The following MARCHF4 variants were observed in gnomAD, a reference collection of about 807,000 sequenced individuals.
MARCHF4 encodes membrane associated ring-CH-type finger 4.
A neutral mutation model predicts 43.9 loss-of-function variants in MARCHF4; 14 were observed. The ratio of observed to expected loss-of-function variants is 0.32; its 90% CI spans 0.21 to 0.50. The LOEUF is 0.50. MARCHF4 is among the 20% of genes least tolerant of loss of function. MARCHF4 has a pLI of 0.98. For synonymous variants in MARCHF4, 226 were observed against 213.3 expected, an observed-to-expected ratio of 1.06 and a Z score of -0.52; for missense variants, 468 against 536.7, an observed-to-expected ratio of 0.87 and a Z score of 1.27.
chr2:216,367,287 GTGTCTCTCTCTC>G (rs1692680934), intron 1 of MARCHF4, among the ~76,000 whole-genome samples: 1 of 151,620 alleles, frequency 6.6e-6, no homozygotes, highest in African/African-American at 2.4e-5. Flanking sequence ...AAATTTTAGC[GTGTCTCTCTCTC>G]TTTCTCTCTC....
intron 1 of MARCHF4, among the ~76,000 whole-genome samples, chr2:216,295,484 C>T (rs555607214): frequency 2.0e-5 from 3 of 152,124 alleles, no homozygotes; most frequent in East Asian, 1.9e-4. Context: ...GGATTACAGG[C>T]GTGAGCCACT....
intron 3 of MARCHF4, among the ~76,000 whole-genome samples, chr2:216,274,428 C>T (rs571560101): frequency 4.6e-5 from 7 of 152,256 alleles, no homozygotes; most frequent in African/African-American, 1.2e-4. Context: ...AGGCTCTACC[C>T]GATTCTCCCT....
intron 1 of MARCHF4, among the ~76,000 whole-genome samples, chr2:216,297,546 T>C (rs1691416379): frequency 6.6e-6 from 1 of 152,124 alleles, no homozygotes; most frequent in South Asian, 2.1e-4. Flanking sequence ...CATTTCCCTC[T>C]TGTTGCCCAG....
At chr2:216,320,672 T>C (rs1691875377) in intron 1 of MARCHF4, among the ~76,000 whole-genome samples, 1 of 96,506 alleles carries the variant, frequency 1.0e-5, no homozygotes, top group Non-Finnish European at 2.0e-5. Flanking sequence ...TCTTTCTTTC[T>C]TTCTTTTTTT....
chr2:216,306,651 C>T (rs1691591649), intron 1 of MARCHF4, among the ~76,000 whole-genome samples: 1 of 152,104 alleles, frequency 6.6e-6, no homozygotes, highest in Non-Finnish European at 1.5e-5. Context: ...ACTAACTGCT[C>T]AGTATATATG....
At chr2:216,277,958 G>T in intron 2 of MARCHF4, 94 bp from the exon 3 acceptor site, 2 of 1,212,440 alleles carry the variant, frequency 1.6e-6, no homozygotes, top group Non-Finnish European at 2.3e-6. Context: ...GCTCACCTCT[G>T]ATTTAGGATT....
intron 1 of MARCHF4, among the ~76,000 whole-genome samples, chr2:216,322,027 T>C (rs1485095185): frequency 2.0e-5 from 3 of 152,136 alleles, no homozygotes; most frequent in Non-Finnish European, 4.4e-5. Context: ...TTGCTGTGAC[T>C]GAAATGGCTG....
At chr2:216,295,858 T>C (rs1431461307) in intron 1 of MARCHF4, among the ~76,000 whole-genome samples, 1 of 152,190 alleles carries the variant, frequency 6.6e-6, no homozygotes, top group Non-Finnish European at 1.5e-5. Context: ...ACAAAACAGA[T>C]ACCCCATGAC....
intron 1 of MARCHF4, among the ~76,000 whole-genome samples, chr2:216,359,244 G>A (rs1337100493): frequency 6.6e-6 from 1 of 152,184 alleles, no homozygotes; most frequent in African/African-American, 2.4e-5. Flanking sequence ...TCCTACCTCT[G>A]CCATGGGTGA....
intron 1 of MARCHF4, among the ~76,000 whole-genome samples, chr2:216,349,798 C>T (rs759106908): frequency 3.3e-5 from 5 of 152,120 alleles, no homozygotes; most frequent in Non-Finnish European, 7.3e-5. Context: ...AGGTTAGGGT[C>T]AGACCTCAGG....
At chr2:216,281,575 G>T (rs1269214255) in intron 2 of MARCHF4, among the ~76,000 whole-genome samples, 2 of 152,222 alleles carry the variant, frequency 1.3e-5, no homozygotes, top group African/African-American at 4.8e-5. Flanking sequence ...ACTGTACTGA[G>T]CAGGCAGCTG....
chr2:216,274,094 C>T (rs1690984659), intron 3 of MARCHF4, among the ~76,000 whole-genome samples: 1 of 152,184 alleles, frequency 6.6e-6, no homozygotes. Context: ...TTTGGGCTTC[C>T]CCGAGCACAG....
chr2:216,265,855 C>T (rs755527192), intron 3 of MARCHF4: 4 of 152,178 alleles, frequency 2.6e-5, no homozygotes, highest in Non-Finnish European at 5.9e-5. Flanking sequence ...GATTCCCAGG[C>T]TGCAATCTTG....
At chr2:216,342,011 T>G (rs1692245346) in intron 1 of MARCHF4, among the ~76,000 whole-genome samples, 1 of 152,234 alleles carries the variant, frequency 6.6e-6, no homozygotes, top group Admixed American at 6.5e-5. Flanking sequence ...TATTCAGCAG[T>G]GGCCCATAAT....
intron 2 of MARCHF4, among the ~76,000 whole-genome samples, chr2:216,280,439 G>C (rs528402748): frequency 9.2e-5 from 14 of 152,178 alleles, no homozygotes; most frequent in Non-Finnish European, 1.6e-4. Context: ...TACGCACTGA[G>C]TGTGACCTAG....
intron 1 of MARCHF4, among the ~76,000 whole-genome samples, chr2:216,354,729 A>T (rs1382563438): frequency 2.0e-5 from 3 of 152,188 alleles, no homozygotes; most frequent in Non-Finnish European, 2.9e-5. Context: ...TTAAGAGGTC[A>T]TCAAGTTGAT....
At chr2:216,358,600 G>C (rs1692535111) in intron 1 of MARCHF4, among the ~76,000 whole-genome samples, 1 of 152,104 alleles carries the variant, frequency 6.6e-6, no homozygotes, top group African/African-American at 2.4e-5. Context: ...CAATCACTAG[G>C]AATACTTATT....
chr2:216,288,234 G>A (rs62181068), intron 1 of MARCHF4, among the ~76,000 whole-genome samples: 7,828 of 152,290 alleles, frequency 0.051, 343 homozygotes, highest in South Asian at 0.19. Flanking sequence ...CAAAGTGTAG[G>A]GATTACAGGC....
At chr2:216,305,745 T>C (rs551099810) in intron 1 of MARCHF4, among the ~76,000 whole-genome samples, 3 of 152,290 alleles carry the variant, frequency 2.0e-5, no homozygotes, top group Admixed American at 6.5e-5. Flanking sequence ...CACAGGCCCA[T>C]ATGGAGATGG....
Sources: gnomAD v4.1 joint callset for allele counts (sites outside exome capture counted in the v4.1 genomes callset) on GRCh38, gnomAD v4.1.1 for gene constraint, MANE v1.5 for transcripts, NCBI Gene and HGNC (gene_info 2026-07-23, HGNC 2026-07-21) for gene names.